The following DPP6 variants were observed in gnomAD, a reference collection of about 807,000 sequenced individuals.
DPP6 encodes the protein A-type potassium channel modulatory protein DPP6.
In DPP6, 69 loss-of-function variants were observed where a neutral mutation model predicts 122.6. The ratio of observed to expected loss-of-function variants is 0.56; its 90% CI spans 0.46 to 0.69. DPP6 has a LOEUF of 0.69. DPP6 is among the 30% of genes least tolerant of loss of function. DPP6 has a pLI of 0.00. For synonymous variants in DPP6, 418 were observed against 433.1 expected, an observed-to-expected ratio of 0.97 and a Z score of 0.43; for missense variants, 928 against 1,116.9, an observed-to-expected ratio of 0.83 and a Z score of 2.41.
At chr7:153,759,699 C>T in the DPP6 span, among the ~76,000 whole-genome samples, 1 of 152,010 alleles carries the variant, frequency 6.6e-6, no homozygotes, top group South Asian at 2.1e-4. Context: ...TTGATATATC[C>T]TAACACCATA....
Position 154,812,784 on chromosome 7 carries a change from G to A in DPP6, c.1666+5672G>A, listed in dbSNP as rs529080729. Among the ~76,000 whole-genome samples the A allele has an allele frequency of 1.5e-3, 230 of 152,112 alleles. 1 individual carries two copies. Among genetic ancestry groups the A allele is most frequent in the Non-Finnish European group, 3.0e-3 (205 of 67,988 alleles). On this transcript the variant is annotated intron_variant, in intron 16 of 25. Transcript: ENST00000377770. ...TGTTTGCAAACAGTATTTCTATTTC[G>A]TTAGTCCTTTGGCATACTGATCTTC... is the stretch of plus-strand genomic sequence containing the variant.
At chr7:154,133,209 T>A (rs1248053162) in intron 1 of DPP6, among the ~76,000 whole-genome samples, 1 of 152,224 alleles carries the variant, frequency 6.6e-6, no homozygotes, top group Non-Finnish European at 1.5e-5. Context: ...AGAAATTGAA[T>A]GCCCCAGGTC....
At chr7:154,168,746 A>G (rs1431876137) in intron 1 of DPP6, among the ~76,000 whole-genome samples, 1 of 152,222 alleles carries the variant, frequency 6.6e-6, no homozygotes, top group African/African-American at 2.4e-5. Context: ...TGTCAAAGGG[A>G]TGGGAAATGC....
chr7:154,720,593 C>T (rs1484796758), intron 7 of DPP6, among the ~76,000 whole-genome samples: 1 of 152,174 alleles, frequency 6.6e-6, no homozygotes, highest in African/African-American at 2.4e-5. Context: ...GATGGCAGGG[C>T]CCCCCGGCTG....
chr7:154,860,289 T>G (rs1210636919), intron 17 of DPP6, among the ~76,000 whole-genome samples: 1 of 152,038 alleles, frequency 6.6e-6, no homozygotes, highest in East Asian at 1.9e-4. Context: ...TGGAGAGACA[T>G]CAGGAGCATG....
intron 1 of DPP6, among the ~76,000 whole-genome samples, chr7:153,888,532 C>T (rs1799045080): frequency 2.0e-5 from 3 of 152,210 alleles, no homozygotes; most frequent in Admixed American, 2.0e-4. Context: ...TCACGTTAGT[C>T]CGGGGCACGG....
At chr7:154,091,236 T>C (rs956445780) in intron 1 of DPP6, among the ~76,000 whole-genome samples, 2 of 152,138 alleles carry the variant, frequency 1.3e-5, no homozygotes, top group African/African-American at 4.8e-5. Flanking sequence ...GAGCCTGTGA[T>C]CAGTGGGCAC....
At chr7:154,668,075 C>T (rs567652622) in intron 6 of DPP6, among the ~76,000 whole-genome samples, 73 of 150,300 alleles carry the variant, frequency 4.9e-4, no homozygotes, top group Non-Finnish European at 9.5e-4. Context: ...CACCTTCCTT[C>T]CCTTCCTGCC....
intron 1 of DPP6, among the ~76,000 whole-genome samples, chr7:154,335,264 G>T (rs1372742034): frequency 6.6e-6 from 1 of 152,204 alleles, no homozygotes. Context: ...AATGCAGGAT[G>T]CTTCTCACAT....
intron 1 of DPP6, among the ~76,000 whole-genome samples, chr7:154,289,459 G>A (rs528057971): frequency 6.6e-6 from 1 of 152,260 alleles, no homozygotes; most frequent in South Asian, 2.1e-4. Context: ...GAAGGACTAG[G>A]ACCCACTCAG....
chr7:154,667,453 C>A (rs2131089698), intron 6 of DPP6, among the ~76,000 whole-genome samples: 1 of 152,322 alleles, frequency 6.6e-6, no homozygotes, highest in East Asian at 1.9e-4. Context: ...GTTGGCTGGG[C>A]ACAGTGGCTC....
chr7:153,987,205 TGAG>T (rs922540829), intron 1 of DPP6, among the ~76,000 whole-genome samples: 6 of 152,240 alleles, frequency 3.9e-5, no homozygotes, highest in African/African-American at 1.2e-4. Context: ...GAACTCTCAA[TGAG>T]GAGAAGTAGA....
At chr7:153,965,583 G>A (rs1459094614) in intron 1 of DPP6, among the ~76,000 whole-genome samples, 1 of 152,150 alleles carries the variant, frequency 6.6e-6, no homozygotes, top group African/African-American at 2.4e-5. Flanking sequence ...CGCGATTTCA[G>A]CTCACTGCAA....
the DPP6 span, among the ~76,000 whole-genome samples, chr7:153,777,079 T>C: frequency 6.6e-6 from 1 of 152,158 alleles, no homozygotes; most frequent in Non-Finnish European, 1.5e-5. Flanking sequence ...GAAACAGATC[T>C]AAACAGAAAC....
chr7:153,868,841 A>G, the DPP6 span, among the ~76,000 whole-genome samples: 1 of 151,944 alleles, frequency 6.6e-6, no homozygotes, highest in Admixed American at 6.6e-5. Context: ...CAGAGATTCT[A>G]GTATGTTTTG....
intron 11 of DPP6, among the ~76,000 whole-genome samples, chr7:154,795,315 TGTCTGGA>T (rs1465634069): frequency 6.6e-6 from 1 of 152,144 alleles, no homozygotes; most frequent in African/African-American, 2.4e-5. Context: ...TTGAGTTTGG[TGTCTGGA>T]GTTTTGTTTT....
At chr7:153,812,157 G>A in the DPP6 span, among the ~76,000 whole-genome samples, 2 of 152,200 alleles carry the variant, frequency 1.3e-5, no homozygotes, top group Admixed American at 1.3e-4. Context: ...GAGCAACGGT[G>A]ATATTGCTTC....
intron 1 of DPP6, among the ~76,000 whole-genome samples, chr7:153,993,773 T>G (rs1486393067): frequency 6.6e-6 from 1 of 152,230 alleles, no homozygotes; most frequent in Non-Finnish European, 1.5e-5. Context: ...TCCCCAGATC[T>G]CTTTGGGGTT....
chr7:154,677,650 C>T (rs546000160), intron 7 of DPP6, among the ~76,000 whole-genome samples: 2 of 152,196 alleles, frequency 1.3e-5, no homozygotes, highest in Non-Finnish European at 1.5e-5. Context: ...GGCGTCTGCA[C>T]GGGGAGGAGC....
Sources: allele counts gnomAD v4.1 joint callset (sites outside exome capture counted in the v4.1 genomes callset), GRCh38; gene constraint gnomAD v4.1.1; transcripts MANE v1.5; gene names NCBI Gene and HGNC (gene_info 2026-07-23, HGNC 2026-07-21).